The following GALNT4 variants were observed in gnomAD, a reference collection of about 807,000 sequenced individuals.
The protein encoded by GALNT4 is UDP-GalNAc:polypeptide N-acetylgalactosaminyltransferase 4.
GALNT4 carries 23 observed loss-of-function variants against 45.1 expected under a neutral mutation model. The ratio of observed to expected loss-of-function variants is 0.51; its 90% confidence interval spans 0.37 to 0.72. The LOEUF (loss-of-function observed/expected upper bound fraction) is 0.72. Ranked by LOEUF, GALNT4 falls within the 30% of genes least tolerant of loss-of-function variation. The pLI, the probability that GALNT4 is intolerant of heterozygous loss-of-function variation, is 0.00. For missense variants in GALNT4, 757 were observed against 709.0 expected (o/e 1.07, Z -0.77); for synonymous variants, 264 against 257.6 (o/e 1.02, Z -0.24).
chr12:89,523,697 G>C lies in GALNT4; in HGVS notation c.853C>G (p.Gln285Glu), dbSNP rs1211274959. 1 of 1,543,794 alleles carries C rather than the reference G, an allele frequency of 6.5e-7. No individual in the cohort carries two copies. Among genetic ancestry groups the C allele is most frequent in the African/African-American group, 1.4e-5 (1 of 72,170 alleles). Residue 285 changes from glutamine to glutamate, a missense_variant, in exon 1 of 1, where the codon CAG (glutamine) becomes GAG (glutamate). By Grantham distance (29) the Gln-to-Glu change is conservative. Coordinates refer to ENST00000529983, the MANE Select transcript of GALNT4 (RefSeq NM_003774.5). Reference sequence around the variant, plus strand: ...TCCTGTTTGGGGACAGAATGCCACTGAAATGTTAAACGCCAGTCAAACCCA... The same window carrying C: ...TCCTGTTTGGGGACAGAATGCCACTCAAATGTTAAACGCCAGTCAAACCCA... ...IGGFDWRLTF[Q>E]WHSVPKQERD...
Position 89,523,295 on chromosome 12 carries a change from A to T in GALNT4, c.1255T>A (p.Leu419Met). 1.9e-6 allele frequency: 3 copies of T among 1,614,052 alleles called. No homozygotes were observed. Among genetic ancestry groups the T allele is most frequent in the Non-Finnish European group, 2.5e-6 (3 of 1,179,904 alleles). The change falls in exon 1 of 1, where the codon TTG (leucine) becomes ATG (methionine). Residue 419 changes from leucine (L) to methionine (M), a missense_variant. By Grantham distance (15) the Leu-to-Met change is conservative. Transcript: ENST00000529983. ...ISERKLLRER[L>M]RCKSFDWYLK... Reference sequence around the variant, plus strand: ...TACCAGTCAAAGCTCTTGCATCTCAACCGCTCTCGTAGTAATTTTCTTTCA... The same window carrying T: ...TACCAGTCAAAGCTCTTGCATCTCATCCGCTCTCGTAGTAATTTTCTTTCA...
At position 89,524,057 on chromosome 12, in the gene GALNT4, C is replaced by T. The variant is rs781149276; in HGVS notation, c.493G>A (p.Val165Ile). Reference sequence around the variant, plus strand: ...ACCAAGATGATCTCTTTCAAAAGAACTGCAGGAGAAGTTTCTAAAACACTG... The same window carrying T: ...ACCAAGATGATCTCTTTCAAAAGAATTGCAGGAGAAGTTTCTAAAACACTG... ...IHSVLETSPA[V>I]LLKEIILVDD... Residue 165 changes from valine to isoleucine, a missense_variant, in exon 1 of 1, where the codon GTT becomes ATT. Val to Ile is a conservative substitution (Grantham distance 29). Coordinates refer to ENST00000529983, the MANE Select transcript of GALNT4 (RefSeq NM_003774.5). 2 of 1,613,624 alleles carry T rather than the reference C, an allele frequency of 1.2e-6. No individual in the cohort carries two copies. The highest frequency in any genetic ancestry group is 1.7e-6 in the Non-Finnish European group (2 of 1,179,752).
chr12:89,521,942 C>A lies in GALNT4; in HGVS notation c.*871G>T. 2 of 398,762 alleles carry A rather than the reference C, an allele frequency of 5.0e-6. No individual in the cohort carries two copies. The highest frequency in any genetic ancestry group is 2.6e-4 in the South Asian group (2 of 7,746). 24.7% of individuals were successfully genotyped at this position (398,762 alleles called of 1,614,324 possible). On this transcript the variant is annotated 3_prime_UTR_variant, in exon 1 of 1. Transcript: ENST00000529983. ...GTTGGGTTTAACTTCAGAGAGGCTT[C>A]AATTGTGTTTACTTTAAATGATTAA...
rs1870689966 is a variant in GALNT4, at chr12:89,519,748, A to C, written c.*3065T>G. 6.6e-6 allele frequency: 1 copy of C among 152,578 alleles called. No homozygotes were observed. The highest frequency in any genetic ancestry group is 2.4e-5 in the African/African-American group (1 of 41,428). 9.5% of individuals were successfully genotyped at this position (152,578 alleles called of 1,614,324 possible). ...GAACTTACTAATGGGTAAGTAAACA[A>C]ATTTTCTTTTACAAACAAGTTATTT... On this transcript the variant is annotated 3_prime_UTR_variant, in exon 1 of 1. Transcript: ENST00000529983.
At position 89,523,762 on chromosome 12, in the gene GALNT4, G is replaced by A. The variant is rs1679837381; in HGVS notation, c.788C>T (p.Thr263Ile). 6.5e-7 allele frequency: 1 copy of A among 1,540,636 alleles called. No individual in the cohort carries two copies. Among genetic ancestry groups the A allele is most frequent in the South Asian group, 1.3e-5 (1 of 76,688 alleles). ...CCCTATCTGCATATAGAATTCAAAA[G>A]TATTCCAATCAATTGTGTCTATAAC... ...CPVIDTIDWN[T>I]FEFYMQIGEP... The change falls in exon 1 of 1, where the codon ACT (threonine) becomes ATT (isoleucine). Residue 263 changes from threonine to isoleucine, a missense_variant. Physicochemically the swap from Thr to Ile is moderately conservative, Grantham distance 89 (BLOSUM62 -1). Coordinates refer to ENST00000529983, the MANE Select transcript of GALNT4 (RefSeq NM_003774.5).
In GALNT4 at chr12:89,522,350, G is replaced by A. The variant is rs368505050; in HGVS notation, c.*463C>T. 2.5e-6 allele frequency: 1 copy of A among 394,330 alleles called. No homozygotes were observed. Among genetic ancestry groups the A allele is most frequent in the Non-Finnish European group, 4.5e-6 (1 of 224,178 alleles). 24.4% of individuals were successfully genotyped at this position (394,330 alleles called of 1,614,324 possible). Reference sequence around the variant, plus strand: ...TAAAAAATAAAATCTAAAATTTAATGTGCTGGCTAAAAAAGAAATACAAAT... The same window carrying A: ...TAAAAAATAAAATCTAAAATTTAATATGCTGGCTAAAAAAGAAATACAAAT... On this transcript the variant is annotated 3_prime_UTR_variant, in exon 1 of 1. Coordinates refer to ENST00000529983, the MANE Select transcript of GALNT4 (RefSeq NM_003774.5).
rs1871115343 is a variant in GALNT4, at chr12:89,523,518, C to T, written c.1032G>A (p.Arg344=). 1 of 1,608,554 alleles carries T rather than the reference C, an allele frequency of 6.2e-7. No homozygotes were observed. ...WGGENLELSF[R]VWQCGGKLEI... ...CCAATTTGCCACCACACTGCCACAC[C>T]CTAAAAGACAGCTCAAGGTTTTCAC... The change falls in exon 1 of 1, where the codon AGG becomes AGA. Residue 344 remains arginine (R), a synonymous_variant. Transcript: ENST00000529983.
rs779143376 is a variant in GALNT4 at position 89,522,796 on chromosome 12, G to GA, written c.*16dup. The stretch of plus-strand genomic sequence containing the variant: ...CTTGACACTACTGTCAGCTCATGAC[G>GA]AAAGTGCTGTTGTGCTCTATTTCTC... On this transcript the variant is annotated 3_prime_UTR_variant, in exon 1 of 1. Transcript: ENST00000529983. 4.5e-6 allele frequency: 7 copies of GA among 1,546,008 alleles called. No homozygotes were observed. Among genetic ancestry groups the GA allele is most frequent in the Non-Finnish European group, 6.1e-6 (7 of 1,149,682 alleles).
rs750215465 is a variant in GALNT4 at position 89,524,421 on chromosome 12, C to T, written c.129G>A (p.Glu43=). ...GGTCTGAGAGCCTTCTTGACCCCAG[C>T]TCCCTGGCACGGCCGGCTCCTGCGG... ...HASAGAGRAR[E]LGSRRLSDLQ... is the part of the protein sequence containing the mutation. Residue 43 remains glutamate (E), a synonymous_variant, in exon 1 of 1, where the codon GAG becomes GAA. Transcript: ENST00000529983. 2 of 1,614,008 alleles carry T rather than the reference C, an allele frequency of 1.2e-6. No individual in the cohort carries two copies. Among genetic ancestry groups the T allele is most frequent in the Non-Finnish European group, 1.7e-6 (2 of 1,179,906 alleles).
Position 89,523,371 on chromosome 12 carries a change from G to A in GALNT4, c.1179C>T (p.His393=), listed in dbSNP as rs1871097360. Residue 393 remains histidine (H), a synonymous_variant, in exon 1 of 1, where the codon CAC becomes CAT. Coordinates refer to ENST00000529983, the MANE Select transcript of GALNT4 (RefSeq NM_003774.5). ...TTGCTGGAGGGTTTCTATTGTAGAA[G>A]TGCTCTTTGTATTCATCCATCCAAA... ...AEVWMDEYKE[H]FYNRNPPARK... The A allele has an allele frequency of 3.1e-6, 5 of 1,614,024 alleles. No individual in the cohort carries two copies. Among genetic ancestry groups the A allele is most frequent in the East Asian group, 4.5e-5 (2 of 44,882 alleles).
rs1205862001 is a variant in GALNT4 at position 89,523,416 on chromosome 12, A to T, written c.1134T>A (p.Asn378Lys). The T allele has an allele frequency of 6.2e-7, 1 of 1,614,028 alleles. No homozygotes were observed. The highest frequency in any genetic ancestry group is 8.5e-7 in the Non-Finnish European group (1 of 1,179,902). ...TCCAAACTTCTGCTGCCCGAGCAGTATTCTGTAGGAAATTGGGGCGAGCAT... is the reference window on the plus strand; with the variant it reads ...TCCAAACTTCTGCTGCCCGAGCAGTTTTCTGTAGGAAATTGGGGCGAGCAT... Reference protein sequence around the residue: ...APYARPNFLQNTARAAEVWMD... With the variant: ...APYARPNFLQKTARAAEVWMD... Residue 378 changes from asparagine to lysine, a missense_variant, in exon 1 of 1, where the codon AAT becomes AAA. Coordinates refer to ENST00000529983, the MANE Select transcript of GALNT4 (RefSeq NM_003774.5).
In GALNT4 at chr12:89,522,601, C is replaced by A; in HGVS notation, c.*212G>T. The stretch of plus-strand genomic sequence containing the variant: ...TGACAAAACTCTTATATAAAACAAC[C>A]AATAAGTAAGGCATTGTGAAATATT... On this transcript the variant is annotated 3_prime_UTR_variant, in exon 1 of 1. Coordinates refer to ENST00000529983, the MANE Select transcript of GALNT4 (RefSeq NM_003774.5). The A allele has an allele frequency of 4.4e-6, 2 of 458,052 alleles. No individual in the cohort carries two copies. The highest frequency in any genetic ancestry group is 4.1e-5 in the Admixed American group (1 of 24,308). 28.4% of individuals were successfully genotyped at this position (458,052 alleles called of 1,614,324 possible).
chr12:89,522,372 A>G lies in GALNT4; in HGVS notation c.*441T>C. The G allele has an allele frequency of 2.6e-6, 1 of 390,942 alleles. No individual in the cohort carries two copies. The highest frequency in any genetic ancestry group is 4.5e-6 in the Non-Finnish European group (1 of 221,982). 24.2% of individuals were successfully genotyped at this position (390,942 alleles called of 1,614,324 possible). A position where few individuals can be genotyped will look rare whatever the true frequency, so the allele number is the denominator to read the frequency against. On this transcript the variant is annotated 3_prime_UTR_variant, in exon 1 of 1. Transcript: ENST00000529983. Reference sequence around the variant, plus strand: ...AATGTGCTGGCTAAAAAAGAAATACAAATTCTATGTAATCAAAATAGCAAT... The same window carrying G: ...AATGTGCTGGCTAAAAAAGAAATACGAATTCTATGTAATCAAAATAGCAAT...
Position 89,523,215 on chromosome 12 carries a change from A to G in GALNT4, c.1335T>C (p.His445=), listed in dbSNP as rs755013418. 6.2e-7 allele frequency: 1 copy of G among 1,614,050 alleles called. No homozygotes were observed. The highest frequency in any genetic ancestry group is 1.7e-5 in the Admixed American group (1 of 60,032). The change falls in exon 1 of 1, where the codon CAT becomes CAC. Residue 445 remains histidine (H), a synonymous_variant. Coordinates refer to ENST00000529983, the MANE Select transcript of GALNT4 (RefSeq NM_003774.5). The part of the protein sequence containing the change: ...LHVPEDRPGW[H]GAIRSRGISS... ...AGATCCCTCTACTGCGAATAGCCCCATGCCAGCCTGGTCTATCCTCTGGAA... is the reference window on the plus strand; with the variant it reads ...AGATCCCTCTACTGCGAATAGCCCCGTGCCAGCCTGGTCTATCCTCTGGAA...
chr12:89,522,918 T>C lies in GALNT4; in HGVS notation c.1632A>G (p.Ser544=). 6.2e-7 allele frequency: 1 copy of C among 1,614,068 alleles called. No homozygotes were observed. Among genetic ancestry groups the C allele is most frequent in the Non-Finnish European group, 8.5e-7 (1 of 1,179,902 alleles). Residue 544 remains serine, a synonymous_variant, in exon 1 of 1, where the codon TCA becomes TCG. Transcript: ENST00000529983. ...TCCGATAAGCACTAAGACACAGTCC[T>C]GAGTGTGGGTGAAAAATAGTTCCAT... is the stretch of plus-strand genomic sequence containing the variant. The part of the protein sequence containing the change: ...KEDGTIFHPH[S]GLCLSAYRTP...
At position 89,521,107 on chromosome 12, in the gene GALNT4, T is replaced by A. The variant is rs902907435; in HGVS notation, c.*1706A>T. On this transcript the variant is annotated 3_prime_UTR_variant, in exon 1 of 1. Transcript: ENST00000529983. ...TGAGTTCAGCTCACTTATTTTATTA[T>A]TATTTTTTTTTTTTGAGACAGAGTC... 4 of 97,600 alleles carry A rather than the reference T, an allele frequency of 4.1e-5. No individual in the cohort carries two copies. The highest frequency in any genetic ancestry group is 1.6e-4 in the African/African-American group (4 of 25,722). The allele number at this position is 97,600 out of a possible 1,614,324, so 6.0% of individuals were successfully genotyped here.
At position 89,521,528 on chromosome 12, in the gene GALNT4, G is replaced by A. The variant is rs539197188; in HGVS notation, c.*1285C>T. The A allele has an allele frequency of 4.6e-4, 70 of 153,716 alleles. No individual in the cohort carries two copies. Among genetic ancestry groups the A allele is most frequent in the Middle Eastern group, 3.3e-3 (1 of 300 alleles). 9.5% of individuals were successfully genotyped at this position (153,716 alleles called of 1,614,324 possible). ...AAAGATAAAAAGTATTGTAAAGATT[G>A]CACAGTGAGTCAATCTGGGAAGAAT... On this transcript the variant is annotated 3_prime_UTR_variant, in exon 1 of 1. Coordinates refer to ENST00000529983, the MANE Select transcript of GALNT4 (RefSeq NM_003774.5).
rs780122307 is a variant in GALNT4 at position 89,524,130 on chromosome 12, GAT to G, written c.418_419del (p.Ile140HisfsTer5). On this transcript the variant is annotated frameshift_variant, in exon 1 of 1. Coordinates refer to ENST00000529983, the MANE Select transcript of GALNT4 (RefSeq NM_003774.5). LOFTEE classifies it high-confidence loss of function. ...NYRTLPTTSV[I>X]IAFYNEAWST... ...ACCAGGCTTCGTTATAGAAAGCAAT[GAT>G]AACAGAGGTGGTAGGAAGTGTCCTA... is the stretch of plus-strand genomic sequence containing the variant. The G allele has an allele frequency of 1.2e-6, 2 of 1,614,004 alleles. No individual in the cohort carries two copies. Among genetic ancestry groups the G allele is most frequent in the Non-Finnish European group, 8.5e-7 (1 of 1,179,880 alleles).
Position 89,524,790 on chromosome 12 carries a change from C to CA in GALNT4, c.-242dup. The CA allele has an allele frequency of 1.6e-6, 1 of 621,854 alleles. No individual in the cohort carries two copies. Among genetic ancestry groups the CA allele is most frequent in the Admixed American group, 3.0e-5 (1 of 33,642 alleles). The allele number at this position is 621,854 out of a possible 1,614,324, so 38.5% of individuals were successfully genotyped here. On this transcript the variant is annotated 5_prime_UTR_variant, in exon 1 of 1. Transcript: ENST00000529983. ...CTCCTGCTCGGCTCACAACTTTTCACAAACTCTCCAGCCAACACCCCACCC... is the reference window on the plus strand; with the variant it reads ...CTCCTGCTCGGCTCACAACTTTTCACAAAACTCTCCAGCCAACACCCCACCC...
Sources: allele counts gnomAD v4.1 joint callset, GRCh38; gene constraint gnomAD v4.1.1; transcripts MANE v1.5; gene names NCBI Gene and HGNC (gene_info 2026-07-23, HGNC 2026-07-21).